ECE1: variants seen among roughly 807,000 people sequenced by gnomAD.
The protein encoded by ECE1 is endothelin-converting enzyme 1.
In ECE1, 35 loss-of-function variants were observed where a neutral mutation model predicts 98.6. The observed-to-expected ratio is 0.35, with a 90% CI of 0.27 to 0.47. ECE1 has a LOEUF of 0.47. Among genes scored for constraint, ECE1 ranks in the 20% least tolerant of loss-of-function variants. The pLI, the probability that ECE1 is intolerant of heterozygous loss-of-function variation, is 1.00. For missense variants in ECE1, 814 were observed against 1,025.3 expected (o/e 0.79, Z 2.81); for synonymous variants, 394 against 407.1 (o/e 0.97, Z 0.39).
At position 21,322,751 on chromosome 1, in the gene ECE1, G is replaced by A. The variant is rs1248854576; in HGVS notation, c.3+22625C>T. The stretch of plus-strand genomic sequence containing the variant: ...ACAGACAAGGGCCTCTTGTCAGGAA[G>A]GACAAGAGGTTCTGATCTAGCACTC... On this transcript the variant is annotated intron_variant, in intron 1 of 18. Coordinates refer to the ECE1 transcript ENST00000415912. The surrounding 1 kb of genome is among the most constrained non-coding windows in gnomAD (Gnocchi z 4.1). Among the ~76,000 whole-genome samples, 3 of 152,194 alleles carry A rather than the reference G, an allele frequency of 2.0e-5. No homozygotes were observed. The highest frequency in any genetic ancestry group is 4.4e-5 in the Non-Finnish European group (3 of 68,028).
At chr1:21,254,930 G>A (rs1016224284) in intron 8 of ECE1, among the ~76,000 whole-genome samples, 8 of 152,126 alleles carry the variant, frequency 5.3e-5, no homozygotes, top group African/African-American at 1.7e-4. Context: ...CTCATCTATC[G>A]TTAGACTCAC....
intron 8 of ECE1, among the ~76,000 whole-genome samples, chr1:21,250,271 T>A (rs1267713118): frequency 6.6e-6 from 1 of 152,232 alleles, no homozygotes; most frequent in African/African-American, 2.4e-5. Flanking sequence ...TAGCACAGTA[T>A]CCTCAAGTAA....
In ECE1 at chr1:21,225,476, G is replaced by A. The variant is rs780266068; in HGVS notation, c.1850-36C>T. 1 of 1,608,658 alleles carries A rather than the reference G, an allele frequency of 6.2e-7. No homozygotes were observed. Among genetic ancestry groups the A allele is most frequent in the South Asian group, 1.1e-5 (1 of 90,380 alleles). On this transcript the variant is annotated intron_variant, in intron 16 of 18. Transcript: ENST00000374893. This position sits in a 1 kb window ranked among gnomAD's most constrained non-coding sequence, Gnocchi z 5.3. Reference sequence around the variant, plus strand: ...GAGGGAGGCGTCATGTCAAGGGAGGGAGGGGCACAGCAGGGACCTGCTGCT... The same window carrying A: ...GAGGGAGGCGTCATGTCAAGGGAGGAAGGGGCACAGCAGGGACCTGCTGCT...
Position 21,272,738 on chromosome 1 carries a change from G to A in ECE1, c.454C>T (p.Leu152Phe). The A allele has an allele frequency of 1.2e-6, 2 of 1,614,266 alleles. No individual in the cohort carries two copies. The highest frequency in any genetic ancestry group is 1.1e-5 in the South Asian group (1 of 91,086). The change falls in exon 4 of 19, where the codon CTC (leucine) becomes TTC (phenylalanine). Residue 152 changes from leucine to phenylalanine, a missense_variant. Around this residue, in one of 3 missense-constraint regions of ECE1, gnomAD observed 257 missense variants for 278.9 expected, o/e 0.92. Transcript: ENST00000374893. ...GHSRWGTFSN[L>F]WEHNQAIIKH... ...ATGATTGCTTGGTTGTGTTCCCAGA[G>A]GTTGCTGAAGGTCCCCCAGCGTGAG...
chr1:21,326,951 C>T (rs1639093437), intron 1 of ECE1, among the ~76,000 whole-genome samples: 2 of 152,234 alleles, frequency 1.3e-5, no homozygotes, highest in Non-Finnish European at 2.9e-5. Flanking sequence ...TGTGTTTGCA[C>T]AGTGGCTCTG....
chr1:21,299,501 C>G (rs907175632), intron 1 of ECE1: 1 of 152,600 alleles, frequency 6.6e-6, no homozygotes, highest in Admixed American at 6.5e-5. Flanking sequence ...AGGAATAGGG[C>G]TGGGAGGCTG....
At chr1:21,241,504 C>T (rs887362827) in intron 10 of ECE1, among the ~76,000 whole-genome samples, 2 of 148,062 alleles carry the variant, frequency 1.4e-5, no homozygotes, top group Non-Finnish European at 3.0e-5. Context: ...CTCACTGCAA[C>T]CTCTGCTTCC....
In ECE1 at chr1:21,220,160, G is replaced by A. The variant is rs1475188013; in HGVS notation, c.2137-29C>T. The A allele has an allele frequency of 6.3e-7, 1 of 1,593,774 alleles. No individual in the cohort carries two copies. Among genetic ancestry groups the A allele is most frequent in the Non-Finnish European group, 8.6e-7 (1 of 1,167,620 alleles). On this transcript the variant is annotated intron_variant, in intron 18 of 18. Coordinates refer to ENST00000374893, the MANE Select transcript of ECE1 (RefSeq NM_001397.3). This position sits in a 1 kb window ranked among gnomAD's most constrained non-coding sequence, Gnocchi z 5.0. ...TGAAGGGGCAACAGGGAGAGGCCAG[G>A]GTCACTGTGGGGCCCTCGGGCTGCC...
intron 7 of ECE1, 151 bp from the exon 8 acceptor site, chr1:21,256,289 C>G: frequency 1.1e-6 from 1 of 890,486 alleles, no homozygotes; most frequent in Non-Finnish European, 1.6e-6. Flanking sequence ...GGTGTGGTGG[C>G]TCACGCCTGT....
rs2098221724 is a variant in ECE1, at chr1:21,257,783, T to TA, written c.763-194_763-193insT. On this transcript the variant is annotated intron_variant, in intron 6 of 18. Coordinates refer to ENST00000374893, the MANE Select transcript of ECE1 (RefSeq NM_001397.3). ...GATGACACATTCCTGCCTGTCCACG[T>TA]GGCCCCCCCCCGCAGGGCTCCTGGG... Among the ~76,000 whole-genome samples the TA allele has an allele frequency of 2.9e-5, 4 of 139,866 alleles. No homozygotes were observed. In the South Asian group the frequency reaches 8.9e-4, roughly 31 times the overall value. 91.8% of individuals were successfully genotyped at this position (139,866 alleles called of 152,430 possible). A position where few individuals can be genotyped will look rare whatever the true frequency, so the allele number is the denominator to read the frequency against.
At chr1:21,228,604 G>A (rs905533099) in intron 14 of ECE1, among the ~76,000 whole-genome samples, 23 of 151,628 alleles carry the variant, frequency 1.5e-4, no homozygotes, top group Admixed American at 1.1e-3. Context: ...TGGCCAACAC[G>A]GCAAAACCCT....
chr1:21,223,169 G>A (rs1361696677), intron 17 of ECE1, among the ~76,000 whole-genome samples: 2 of 152,098 alleles, frequency 1.3e-5, no homozygotes, highest in African/African-American at 4.8e-5. Flanking sequence ...TAGAGACGGG[G>A]TTTCACCACG....
intron 18 of ECE1, among the ~76,000 whole-genome samples, 199 bp downstream of exon 18, chr1:21,221,548 A>G (rs543501935): frequency 6.6e-6 from 1 of 152,266 alleles, no homozygotes; most frequent in South Asian, 2.1e-4. Flanking sequence ...CTTCTCATTC[A>G]CCAGATCCAG....
intron 8 of ECE1, among the ~76,000 whole-genome samples, chr1:21,249,992 T>C (rs978644237): frequency 2.0e-5 from 3 of 150,988 alleles, no homozygotes; most frequent in Non-Finnish European, 4.4e-5. Flanking sequence ...TTGGTCAGAC[T>C]GGTCTCGAAC....
chr1:21,260,138 TTC>T lies in ECE1; in HGVS notation c.615+131_615+132del. 1 of 1,366,840 alleles carries T rather than the reference TTC, an allele frequency of 7.3e-7. No homozygotes were observed. Among genetic ancestry groups the T allele is most frequent in the Non-Finnish European group, 1.0e-6 (1 of 963,634 alleles). The allele number at this position is 1,366,840 out of a possible 1,614,324, so 84.7% of individuals were successfully genotyped here. A position where few individuals can be genotyped will look rare whatever the true frequency, so the allele number is the denominator to read the frequency against. On this transcript the variant is annotated intron_variant, in intron 5 of 18. Coordinates refer to ENST00000374893, the MANE Select transcript of ECE1 (RefSeq NM_001397.3). This position sits in a 1 kb window ranked among gnomAD's most constrained non-coding sequence, Gnocchi z 4.3. ...GCTCTCGCACACTCGCTCTCTCTCT[TTC>T]TGTCTTTCTCTTGGTGCTACCGGCT...
chr1:21,258,971 G>C lies in ECE1; in HGVS notation c.616-132C>G. On this transcript the variant is annotated intron_variant, in intron 5 of 18. Transcript: ENST00000374893. This position sits in a 1 kb window ranked among gnomAD's most constrained non-coding sequence, Gnocchi z 4.2. ...GACCTCTCTGAGCCTCAAGAGCAAA[G>C]GAAAGGATTGGTCTTCATCGGGGGT... 3 of 1,287,212 alleles carry C rather than the reference G, an allele frequency of 2.3e-6. No individual in the cohort carries two copies. The highest frequency in any genetic ancestry group is 3.2e-6 in the Non-Finnish European group (3 of 930,762). 79.7% of individuals were successfully genotyped at this position (1,287,212 alleles called of 1,614,324 possible). A position where few individuals can be genotyped will look rare whatever the true frequency, so the allele number is the denominator to read the frequency against.
rs77253311 is a variant in ECE1 at position 21,258,403 on chromosome 1, G to A, written c.762+290C>T. 5.9e-5 allele frequency among the ~76,000 whole-genome samples: 9 copies of A among 152,296 alleles called. No homozygotes were observed. In the East Asian group the frequency reaches 1.5e-3, roughly 26 times the overall value. ...TTACAAAGAGCAGACGCTAAGGAGG[G>A]GGAAACCAGGATGTGGGTTCAGCTG... On this transcript the variant is annotated intron_variant, in intron 6 of 18. Transcript: ENST00000374893. This position sits in a 1 kb window ranked among gnomAD's most constrained non-coding sequence, Gnocchi z 4.2.
rs1239238617 is a variant in ECE1, at chr1:21,227,890, G to A, written c.1781+41C>T. ...GTCGTATGGGCCCCAGGGCTGGGCTGGGGGAAAAGAATTGGGGTAGGGGCC... is the reference window on the plus strand; with the variant it reads ...GTCGTATGGGCCCCAGGGCTGGGCTAGGGGAAAAGAATTGGGGTAGGGGCC... On this transcript the variant is annotated intron_variant, in intron 15 of 18. Transcript: ENST00000374893. The A allele has an allele frequency of 3.3e-6, 5 of 1,495,482 alleles. No homozygotes were observed. In the African/African-American group the frequency reaches 4.2e-5, roughly 12 times the overall value. 92.6% of individuals were successfully genotyped at this position (1,495,482 alleles called of 1,614,324 possible).
intron 4 of ECE1, among the ~76,000 whole-genome samples, chr1:21,262,228 A>C (rs968272227): frequency 6.6e-6 from 1 of 152,064 alleles, no homozygotes. Context: ...GGGGCTATGG[A>C]GGGTTCGTAC....
Sources: gnomAD v4.1 joint callset for allele counts (sites outside exome capture counted in the v4.1 genomes callset) on GRCh38, gnomAD v4.1.1 for gene constraint, gnomAD v4.1.1 regional missense constraint, Gnocchi (gnomAD v3.1) non-coding constraint, MANE v1.5 for transcripts, NCBI Gene and HGNC (gene_info 2026-07-23, HGNC 2026-07-21) for gene names.